DMC1: variants seen among roughly 807,000 people sequenced by gnomAD.
DMC1 encodes the protein meiotic recombination protein DMC1 homolog.
In DMC1, 27 loss-of-function variants were observed where a neutral mutation model predicts 50.1. The ratio of observed to expected loss-of-function variants is 0.54; its 90% CI spans 0.40 to 0.74. The LOEUF (loss-of-function observed/expected upper bound fraction) is 0.74, where lower values mean the gene tolerates loss of function less well. Ranked by LOEUF, DMC1 falls within the 30% of genes least tolerant of loss-of-function variation. The pLI, the probability that DMC1 is intolerant of heterozygous loss-of-function variation, is 0.00. For synonymous variants in DMC1, 148 were observed against 136.1 expected, an observed-to-expected ratio of 1.09 and a Z score of -0.61; for missense variants, 295 against 420.2, an observed-to-expected ratio of 0.70 and a Z score of 2.60.
chr22:38,536,657 C>T (rs539714277), intron 12 of DMC1, among the ~76,000 whole-genome samples: 1 of 152,082 alleles, frequency 6.6e-6, no homozygotes, highest in East Asian at 1.9e-4. Context: ...TGATAAGCTG[C>T]AATATAAGTT....
chr22:38,541,223 G>A (rs938724056), intron 8 of DMC1, among the ~76,000 whole-genome samples: 1 of 152,128 alleles, frequency 6.6e-6, no homozygotes, highest in Non-Finnish European at 1.5e-5. Context: ...AGGCTCCAGA[G>A]GAATGTCTTT....
At chr22:38,528,164 C>T (rs370376071) in intron 12 of DMC1, among the ~76,000 whole-genome samples, 1 of 148,796 alleles carries the variant, frequency 6.7e-6, no homozygotes, top group East Asian at 2.1e-4. Context: ...CAGGCTCAAG[C>T]AATTCTCCTG....
At position 38,537,808 on chromosome 22, in the gene DMC1, GTTA is replaced by G. The variant is rs540959336; in HGVS notation, c.776-159_776-157del. On this transcript the variant is annotated intron_variant, in intron 11 of 13. Coordinates refer to ENST00000216024, the MANE Select transcript of DMC1 (RefSeq NM_007068.4). ...TTTTCATTGACAACAGAAATTATTTGTTATTATTATTATTAAGGTTAGAATAAA... is the reference window on the plus strand; with the variant it reads ...TTTTCATTGACAACAGAAATTATTTGTTATTATTATTAAGGTTAGAATAAA... 2.0e-5 allele frequency among the ~76,000 whole-genome samples: 3 copies of G among 152,084 alleles called. No homozygotes were observed. The East Asian group carries it at 5.8e-4, about 29-fold the overall frequency.
intron 4 of DMC1, among the ~76,000 whole-genome samples, chr22:38,566,298 A>G (rs975938849): frequency 2.0e-5 from 3 of 151,282 alleles, no homozygotes; most frequent in Non-Finnish European, 2.9e-5. Flanking sequence ...AAAGGAAAGG[A>G]GAAGGAAAGG....
the DMC1 span, among the ~76,000 whole-genome samples, chr22:38,509,743 C>T: frequency 2.6e-5 from 4 of 152,124 alleles, no homozygotes; most frequent in East Asian, 7.7e-4. Flanking sequence ...GATCTTGGTT[C>T]ACTGCAACTT....
At chr22:38,523,045 G>A (rs2090046569) in intron 12 of DMC1, among the ~76,000 whole-genome samples, 1 of 152,130 alleles carries the variant, frequency 6.6e-6, no homozygotes, top group Non-Finnish European at 1.5e-5. Context: ...GAATTCAGAG[G>A]CTAGCCTGGG....
rs138974318 is a variant in DMC1 at position 38,524,368 on chromosome 22, C to T, written c.837-2644G>A. 1.5e-3 allele frequency among the ~76,000 whole-genome samples: 224 copies of T among 152,122 alleles called. 5 individuals carry two copies. In the East Asian group the frequency reaches 0.039, roughly 26 times the overall value. The stretch of plus-strand genomic sequence containing the variant: ...GGCAGAGGTTGCAGTGAGCTGATCG[C>T]GCCACCGGTGGCCCTCCAGCCCAGG... On this transcript the variant is annotated intron_variant, in intron 12 of 13. Coordinates refer to ENST00000216024, the MANE Select transcript of DMC1 (RefSeq NM_007068.4).
At chr22:38,521,750 G>A in intron 12 of DMC1, 26 bp from the exon 13 acceptor site, 1 of 1,504,504 alleles carries the variant, frequency 6.6e-7, no homozygotes, top group Non-Finnish European at 9.3e-7. Context: ...ACTCTTTCAG[G>A]TTTCATCATA....
At chr22:38,566,373 A>G (rs1351397541) in intron 4 of DMC1, among the ~76,000 whole-genome samples, 1 of 152,100 alleles carries the variant, frequency 6.6e-6, no homozygotes, top group Non-Finnish European at 1.5e-5. Context: ...AATTACCTTC[A>G]TTAGTGTTCC....
the DMC1 span, among the ~76,000 whole-genome samples, chr22:38,511,443 G>A: frequency 1.3e-5 from 2 of 151,998 alleles, no homozygotes; most frequent in African/African-American, 4.8e-5. Flanking sequence ...GCTGGGTGTG[G>A]TGGTGTGTGT....
chr22:38,562,731 C>T (rs920382185), intron 4 of DMC1, among the ~76,000 whole-genome samples: 2 of 151,322 alleles, frequency 1.3e-5, no homozygotes, highest in African/African-American at 4.9e-5. Flanking sequence ...CACACATATA[C>T]ATGTACACAT....
chr22:38,525,549 G>A (rs1261831500), intron 12 of DMC1, among the ~76,000 whole-genome samples: 1 of 152,170 alleles, frequency 6.6e-6, no homozygotes, highest in South Asian at 2.1e-4. Flanking sequence ...TGTAGGTGAA[G>A]AGCCTGAATG....
intron 8 of DMC1, among the ~76,000 whole-genome samples, chr22:38,540,369 T>G (rs866180297): frequency 6.6e-6 from 1 of 152,150 alleles, no homozygotes; most frequent in African/African-American, 2.4e-5. Context: ...TTTCTGAAAT[T>G]AGCAAATTCA....
At chr22:38,561,872 A>G (rs2090531097) in intron 5 of DMC1, among the ~76,000 whole-genome samples, 1 of 152,160 alleles carries the variant, frequency 6.6e-6, no homozygotes, top group Non-Finnish European at 1.5e-5. Flanking sequence ...AGAGTAAATA[A>G]AAAGGGATGT....
At chr22:38,516,465 T>TCTGGG (rs1433977438), downstream of DMC1, among the ~76,000 whole-genome samples, 1 of 152,182 alleles carries the variant, frequency 6.6e-6, no homozygotes, top group African/African-American at 2.4e-5. Context: ...ACTAAAAGAC[T>TCTGGG]CTGGGCTGCT....
At chr22:38,553,899 T>A (rs1383594462) in intron 6 of DMC1, among the ~76,000 whole-genome samples, 1 of 136,782 alleles carries the variant, frequency 7.3e-6, no homozygotes, top group Non-Finnish European at 1.5e-5. Flanking sequence ...GAAGTTGCAG[T>A]GAGCCAAGAT....
At chr22:38,546,664 T>C (rs2090347600) in intron 8 of DMC1, among the ~76,000 whole-genome samples, 1 of 152,166 alleles carries the variant, frequency 6.6e-6, no homozygotes, top group Non-Finnish European at 1.5e-5. Flanking sequence ...GATAGTAAAT[T>C]CTATAATAGG....
intron 6 of DMC1, among the ~76,000 whole-genome samples, chr22:38,553,497 C>CAAAAAA (rs372645739): frequency 2.1e-5 from 1 of 46,998 alleles, no homozygotes; most frequent in Non-Finnish European, 4.4e-5. Context: ...GACTCCGTCT[C>CAAAAAA]AAAAAAAAAA....
intron 12 of DMC1, among the ~76,000 whole-genome samples, chr22:38,522,441 A>G (rs1337664306): frequency 6.6e-6 from 1 of 152,042 alleles, no homozygotes; most frequent in African/African-American, 2.4e-5. Flanking sequence ...TGATGCTTGT[A>G]ATCCCAGCTA....
Sources: gnomAD v4.1 joint callset for allele counts (sites outside exome capture counted in the v4.1 genomes callset) on GRCh38, gnomAD v4.1.1 for gene constraint, MANE v1.5 for transcripts, NCBI Gene and HGNC (gene_info 2026-07-23, HGNC 2026-07-21) for gene names.